The following ACACA variants were observed in gnomAD, a reference collection of about 807,000 sequenced individuals.
ACACA encodes acetyl-CoA carboxylase 1.
Under a neutral mutation model 296.1 loss-of-function variants are expected in ACACA, and 103 were observed. That is an observed-to-expected ratio of 0.35 (90% CI 0.30 to 0.41). The LOEUF (loss-of-function observed/expected upper bound fraction) is 0.41. Among genes scored for constraint, ACACA ranks in the 10% least tolerant of loss-of-function variants. ACACA has a pLI of 1.00. For missense variants in ACACA, 1,554 were observed against 2,989.7 expected (o/e 0.52, Z 11.20); for synonymous variants, 953 against 1,038.6 (o/e 0.92, Z 1.58).
intron 1 of ACACA, among the ~76,000 whole-genome samples, chr17:37,372,643 G>C (rs1472250793): frequency 6.6e-6 from 1 of 151,972 alleles, no homozygotes; most frequent in South Asian, 2.1e-4. Context: ...TCATCCATTT[G>C]GTCCTAGTTC....
At chr17:37,338,227 A>C (rs1335744539) in intron 2 of ACACA, among the ~76,000 whole-genome samples, 8 of 121,780 alleles carry the variant, frequency 6.6e-5, no homozygotes, top group Non-Finnish European at 9.8e-5. Context: ...ACTCCGTCTC[A>C]AAAAAAAAAA....
rs200228496 is a variant in ACACA at position 37,150,015 on chromosome 17, C to T, written c.5569-41G>A. The T allele has an allele frequency of 2.8e-4, 429 of 1,555,476 alleles. 2 individuals are homozygous for T. In the Middle Eastern group the frequency reaches 0.014, roughly 51 times the overall value. On this transcript the variant is annotated intron_variant, in intron 44 of 55. Coordinates refer to ENST00000616317, the MANE Select transcript of ACACA (RefSeq NM_198834.3). ...ATTCTACATGTCACATATTTATGTC[C>T]TCTCTGAAGCTATAAGAACTAAGGC...
chr17:37,129,588 G>C, intron 46 of ACACA, 103 bp from the exon 47 acceptor site: 1 of 1,465,724 alleles, frequency 6.8e-7, no homozygotes, highest in South Asian at 1.2e-5. Flanking sequence ...CCCACGTATG[G>C]AATTGCACCC....
intron 16 of ACACA, among the ~76,000 whole-genome samples, chr17:37,250,435 C>A (rs1435665625): frequency 6.6e-6 from 1 of 151,812 alleles, no homozygotes; most frequent in East Asian, 1.9e-4. Context: ...GTCAAGAGAT[C>A]GAGACCATCC....
At chr17:37,109,767 C>T (rs530109480) in intron 52 of ACACA, among the ~76,000 whole-genome samples, 1 of 152,340 alleles carries the variant, frequency 6.6e-6, no homozygotes, top group East Asian at 1.9e-4. Flanking sequence ...TATCTCCACA[C>T]CCCTCACCAT....
chr17:37,365,462 C>T (rs1168780873), intron 1 of ACACA: 1 of 985,442 alleles, frequency 1.0e-6, no homozygotes, highest in Non-Finnish European at 1.2e-6. Context: ...CACTCTGCTC[C>T]TGATGCCTGC....
chr17:37,390,334 A>ATATATATATT, intron 1 of ACACA, among the ~76,000 whole-genome samples: 1 of 93,422 alleles, frequency 1.1e-5, no homozygotes, highest in African/African-American at 4.5e-5. Flanking sequence ...ATATATATAT[A>ATATATATATT]AAAGGCCAGC....
At chr17:37,174,020 ATTTTTTTTT>A (rs71159693) in intron 41 of ACACA, among the ~76,000 whole-genome samples, 4 of 16,792 alleles carry the variant, frequency 2.4e-4, no homozygotes, top group Non-Finnish European at 3.9e-4. Flanking sequence ...ATATATATAT[ATTTTTTTTT>A]TTTTTTTTTT....
chr17:37,366,714 G>A (rs568996512), intron 1 of ACACA, among the ~76,000 whole-genome samples: 2 of 151,732 alleles, frequency 1.3e-5, no homozygotes, highest in African/African-American at 2.4e-5. Flanking sequence ...TGATCCACCC[G>A]CCTTAGCCTC....
intron 45 of ACACA, chr17:37,144,015 T>G: frequency 1.3e-6 from 1 of 785,124 alleles, no homozygotes; most frequent in South Asian, 1.3e-5. Context: ...GCCTCTTGGG[T>G]GCATTGGGAT....
chr17:37,243,834 A>C (rs2080545802), intron 21 of ACACA, among the ~76,000 whole-genome samples: 1 of 152,192 alleles, frequency 6.6e-6, no homozygotes, highest in Non-Finnish European at 1.5e-5. Context: ...TCAAGAGTCA[A>C]CTATATCTGA....
rs568549421 is a variant in ACACA at position 37,336,230 on chromosome 17, G to T, written c.85+3574C>A. Among the ~76,000 whole-genome samples, 663 of 152,192 alleles carry T rather than the reference G, an allele frequency of 4.4e-3. 10 individuals are homozygous for T. The highest frequency in any genetic ancestry group is 3.1e-3 in the Non-Finnish European group (213 of 67,996). ...TGCTCTGATGTTAATGACATCAAAGGCACCCCTCCCGAGGAAATCTCAACT... is the reference window on the plus strand; with the variant it reads ...TGCTCTGATGTTAATGACATCAAAGTCACCCCTCCCGAGGAAATCTCAACT... On this transcript the variant is annotated intron_variant, in intron 2 of 55. Coordinates refer to ENST00000616317, the MANE Select transcript of ACACA (RefSeq NM_198834.3).
chr17:37,223,661 A>G (rs926920445), intron 27 of ACACA, 60 bp from the exon 28 acceptor site: 7 of 1,251,938 alleles, frequency 5.6e-6, no homozygotes, highest in Admixed American at 3.4e-5. Context: ...TTCAATGGAC[A>G]CTATTTGGCA....
At chr17:37,144,407 G>A in intron 45 of ACACA, 1 of 355,192 alleles carries the variant, frequency 2.8e-6, no homozygotes, top group Non-Finnish European at 5.4e-6. Flanking sequence ...TTACAATGCT[G>A]CCCGCCCCAC....
At chr17:37,103,429 T>C (rs1426212069) in intron 52 of ACACA, among the ~76,000 whole-genome samples, 1 of 152,194 alleles carries the variant, frequency 6.6e-6, no homozygotes, top group Non-Finnish European at 1.5e-5. Flanking sequence ...TTAAATATCT[T>C]GAAATGGTTT....
chr17:37,281,876 GA>G (rs1386745986), intron 5 of ACACA, among the ~76,000 whole-genome samples: 1 of 151,866 alleles, frequency 6.6e-6, no homozygotes, highest in Non-Finnish European at 1.5e-5. Context: ...AAAGAAAAAA[GA>G]AAAAAACCAC....
intron 35 of ACACA, among the ~76,000 whole-genome samples, chr17:37,195,614 C>T (rs1022692286): frequency 6.6e-6 from 1 of 151,964 alleles, no homozygotes; most frequent in Non-Finnish European, 1.5e-5. Flanking sequence ...TGGCAAGAAC[C>T]TCTGTGCAAT....
In ACACA at chr17:37,261,348, A is replaced by G. The variant is rs570205303; in HGVS notation, c.1330-1818T>C. On this transcript the variant is annotated intron_variant, in intron 11 of 55. Coordinates refer to ENST00000616317, the MANE Select transcript of ACACA (RefSeq NM_198834.3). Reference sequence around the variant, plus strand: ...CTAAGCACAGAAGCCAGTAAATAATAGAAGAAAAGTTTCTATATCTAGAAG... The same window carrying G: ...CTAAGCACAGAAGCCAGTAAATAATGGAAGAAAAGTTTCTATATCTAGAAG... Among the ~76,000 whole-genome samples the G allele has an allele frequency of 3.3e-5, 5 of 152,380 alleles. No homozygotes were observed. The South Asian group carries it at 1.0e-3, about 32-fold the overall frequency.
chr17:37,297,388 C>G (rs546755487), intron 3 of ACACA, among the ~76,000 whole-genome samples: 11 of 150,230 alleles, frequency 7.3e-5, no homozygotes, highest in Non-Finnish European at 1.2e-4. Context: ...TTGTGGTGAG[C>G]CAAGATCGCG....
Sources: allele counts gnomAD v4.1 joint callset (sites outside exome capture counted in the v4.1 genomes callset), GRCh38; gene constraint gnomAD v4.1.1; transcripts MANE v1.5; gene names NCBI Gene and HGNC (gene_info 2026-07-23, HGNC 2026-07-21).